The following ARB2A variants were observed in gnomAD, a reference collection of about 807,000 sequenced individuals.
ARB2A encodes cotranscriptional regulator ARB2A.
chr5:93,639,476 C>T, the ARB2A span, among the ~76,000 whole-genome samples: 2,182 of 151,646 alleles, frequency 0.014, 56 homozygotes, highest in African/African-American at 0.051. Context: ...CACAATGCAA[C>T]TGCCTTCTAC....
the ARB2A span, among the ~76,000 whole-genome samples, chr5:93,829,817 A>G: frequency 6.6e-6 from 1 of 152,214 alleles, no homozygotes; most frequent in Non-Finnish European, 1.5e-5. Flanking sequence ...AAGTAAGAAA[A>G]TGGTTAACAT....
chr5:93,668,671 T>G, the ARB2A span, among the ~76,000 whole-genome samples: 5 of 152,206 alleles, frequency 3.3e-5, no homozygotes, highest in Admixed American at 6.5e-5. Flanking sequence ...GAACAGTGGA[T>G]AGGATAAGTA....
the ARB2A span, among the ~76,000 whole-genome samples, chr5:93,947,618 A>T: frequency 2.0e-5 from 3 of 147,410 alleles, no homozygotes; most frequent in African/African-American, 7.5e-5. Flanking sequence ...TGCACCCATT[A>T]ACTCGTCATT....
At chr5:93,752,926 A>G in the ARB2A span, among the ~76,000 whole-genome samples, 1 of 152,196 alleles carries the variant, frequency 6.6e-6, no homozygotes, top group Non-Finnish European at 1.5e-5. Flanking sequence ...AAAAGCTACA[A>G]GGTTAACTCT....
chr5:93,784,321 G>T, the ARB2A span: 1 of 1,144,156 alleles, frequency 8.7e-7, no homozygotes. Flanking sequence ...CAGGTTGGTG[G>T]GGGCTCAAGA....
the ARB2A span, among the ~76,000 whole-genome samples, chr5:93,957,896 A>G: frequency 6.6e-6 from 1 of 151,928 alleles, no homozygotes; most frequent in Non-Finnish European, 1.5e-5. Flanking sequence ...ATATTCCTTT[A>G]CTTTTTACAA....
the ARB2A span, among the ~76,000 whole-genome samples, chr5:93,851,187 C>A: frequency 6.6e-6 from 1 of 152,028 alleles, no homozygotes; most frequent in Admixed American, 6.6e-5. Context: ...AAATGCTTAG[C>A]AAAGTAGCTC....
the ARB2A span, among the ~76,000 whole-genome samples, chr5:94,110,131 C>T: frequency 0.04 from 6,042 of 152,156 alleles, 173 homozygotes; most frequent in East Asian, 0.14. Context: ...GCAATCCGTC[C>T]GCCTCGGCCT....
chr5:93,761,239 G>A, the ARB2A span, among the ~76,000 whole-genome samples: 1 of 152,164 alleles, frequency 6.6e-6, no homozygotes, highest in African/African-American at 2.4e-5. Context: ...CACCGAGCGT[G>A]AGCCAAAGCA....
chr5:94,039,309 T>C, the ARB2A span, among the ~76,000 whole-genome samples: 2 of 152,054 alleles, frequency 1.3e-5, no homozygotes, highest in East Asian at 1.9e-4. Context: ...CAGGATGAGA[T>C]AGGAGGTTAG....
At chr5:94,108,545 T>C in the ARB2A span, among the ~76,000 whole-genome samples, 1 of 152,100 alleles carries the variant, frequency 6.6e-6, no homozygotes, top group Non-Finnish European at 1.5e-5. Flanking sequence ...AAATTTTTAT[T>C]AAATCATATC....
the ARB2A span, among the ~76,000 whole-genome samples, chr5:93,828,813 G>C: frequency 6.6e-6 from 1 of 152,140 alleles, no homozygotes; most frequent in Non-Finnish European, 1.5e-5. Flanking sequence ...GTCCTGCTCT[G>C]TTGCCTGCAT....
At chr5:93,633,664 C>G in the ARB2A span, among the ~76,000 whole-genome samples, 5 of 152,150 alleles carry the variant, frequency 3.3e-5, no homozygotes, top group African/African-American at 1.2e-4. Context: ...CCCAGGCCCA[C>G]ACTGACAAAA....
chr5:93,898,199 T>G, the ARB2A span, among the ~76,000 whole-genome samples: 1 of 152,076 alleles, frequency 6.6e-6, no homozygotes, highest in African/African-American at 2.4e-5. Context: ...AACTGAAGTA[T>G]GTTCTTTTAG....
the ARB2A span, among the ~76,000 whole-genome samples, chr5:93,931,423 C>T: frequency 6.6e-6 from 1 of 152,114 alleles, no homozygotes; most frequent in Non-Finnish European, 1.5e-5. Flanking sequence ...AAGATTGCGC[C>T]ATTGTATTCC....
chr5:93,921,948 T>C, the ARB2A span, among the ~76,000 whole-genome samples: 2 of 152,124 alleles, frequency 1.3e-5, no homozygotes, highest in African/African-American at 4.8e-5. Context: ...AGTTCAACAC[T>C]GAAGATGTCG....
chr5:93,996,946 T>C, the ARB2A span, among the ~76,000 whole-genome samples: 1 of 152,088 alleles, frequency 6.6e-6, no homozygotes, highest in Non-Finnish European at 1.5e-5. Context: ...AAATATTTAT[T>C]GAGAAGTACG....
chr5:93,630,210 G>A, the ARB2A span, among the ~76,000 whole-genome samples: 5 of 152,130 alleles, frequency 3.3e-5, no homozygotes, highest in Admixed American at 3.3e-4. Context: ...ACAAAGAAGG[G>A]CTTCTATTGG....
the ARB2A span, among the ~76,000 whole-genome samples, chr5:93,929,169 C>A: frequency 6.6e-6 from 1 of 151,832 alleles, no homozygotes; most frequent in Non-Finnish European, 1.5e-5. Flanking sequence ...TAATTCTGTT[C>A]TTTTCATATC....
Sources: allele counts gnomAD v4.1 joint callset (sites outside exome capture counted in the v4.1 genomes callset), GRCh38; gene constraint gnomAD v4.1.1; transcripts MANE v1.5; gene names NCBI Gene and HGNC (gene_info 2026-07-23, HGNC 2026-07-21).